Variants in CNTFR observed in about 807,000 individuals in gnomAD.
CNTFR encodes the protein ciliary neurotrophic factor receptor.
Under a neutral mutation model 40.4 loss-of-function variants are expected in CNTFR, and 12 were observed. The observed-to-expected ratio is 0.30, with a 90% CI of 0.19 to 0.48. The LOEUF (loss-of-function observed/expected upper bound fraction) is 0.48, where lower values mean the gene tolerates loss of function less well. Ranked by LOEUF, CNTFR falls within the 20% of genes least tolerant of loss-of-function variation. The probability of loss-of-function intolerance (pLI) is 0.99; values close to 1 mark genes in which losing one functional copy is unlikely to be tolerated. For missense variants in CNTFR, 414 were observed against 506.8 expected, an observed-to-expected ratio of 0.82 and a Z score of 1.76; for synonymous variants, 202 against 209.6, an observed-to-expected ratio of 0.96 and a Z score of 0.31.
At chr9:34,562,496 C>A (rs1430130176) in intron 4 of CNTFR, among the ~76,000 whole-genome samples, 1 of 152,180 alleles carries the variant, frequency 6.6e-6, no homozygotes. Context: ...CCTCTTTAAG[C>A]CCTACTGGTG....
chr9:34,569,416 A>G (rs1826475966), intron 2 of CNTFR: 3 of 171,806 alleles, frequency 1.7e-5, no homozygotes. Flanking sequence ...TCTAAAAAAA[A>G]AAATAACTTT....
rs145252409 is a variant in CNTFR, at chr9:34,586,947, G to A, written c.-112+2608C>T. Among the ~76,000 whole-genome samples the A allele has an allele frequency of 3.6e-3, 549 of 152,372 alleles. 1 individual carries two copies. The highest frequency in any genetic ancestry group is 6.8e-3 in the Admixed American group (104 of 15,304). On this transcript the variant is annotated intron_variant, in intron 1 of 9. Transcript: ENST00000378980. ...AAAGCATGGGCATATCTGACCATGA[G>A]TCCTAAGTTCCACTGGGATTGTGAA...
At chr9:34,558,060 C>A in intron 4 of CNTFR, 76 bp from the exon 5 acceptor site, 1 of 1,046,964 alleles carries the variant, frequency 9.6e-7, no homozygotes, top group South Asian at 2.5e-5. Context: ...CAGGTGGGCC[C>A]CAGAGCCCCA....
chr9:34,583,005 G>T (rs902138167), intron 1 of CNTFR, among the ~76,000 whole-genome samples: 1 of 152,152 alleles, frequency 6.6e-6, no homozygotes, highest in Non-Finnish European at 1.5e-5. Flanking sequence ...GTATAGCTAC[G>T]CACATTACAC....
chr9:34,570,427 C>T (rs1294067651), intron 2 of CNTFR, among the ~76,000 whole-genome samples: 6 of 152,202 alleles, frequency 3.9e-5, no homozygotes. Flanking sequence ...GGAGCACAGG[C>T]AGTGAAGCCG....
rs77699118 is a variant in CNTFR, at chr9:34,587,808, G to A, written c.-112+1747C>T. Among the ~76,000 whole-genome samples, 333 of 152,250 alleles carry A rather than the reference G, an allele frequency of 2.2e-3. 8 individuals carry two copies. The East Asian group carries it at 0.058, about 26-fold the overall frequency. The stretch of plus-strand genomic sequence containing the variant: ...AGTGAGATTCTGGGTGTGAGCTCTA[G>A]GTCTCAATGTAGATCTAAGCTAAAG... On this transcript the variant is annotated intron_variant, in intron 1 of 9. Transcript: ENST00000378980.
chr9:34,584,583 C>A (rs1257655424), intron 1 of CNTFR, among the ~76,000 whole-genome samples: 1 of 152,196 alleles, frequency 6.6e-6, no homozygotes, highest in South Asian at 2.1e-4. Flanking sequence ...AGCTACACAG[C>A]CTCAGAGCCC....
intron 2 of CNTFR, among the ~76,000 whole-genome samples, chr9:34,579,073 G>A (rs554120175): frequency 6.8e-4 from 104 of 152,294 alleles, no homozygotes; most frequent in Admixed American, 4.2e-3. Context: ...ACACGCACAC[G>A]CACACGTGCA....
At chr9:34,554,683 C>T (rs1825765792) in intron 7 of CNTFR, among the ~76,000 whole-genome samples, 1 of 152,182 alleles carries the variant, frequency 6.6e-6, no homozygotes, top group Non-Finnish European at 1.5e-5. Context: ...CTGCCCAGGG[C>T]CCATTCTTTT....
chr9:34,581,605 C>T lies in CNTFR; in HGVS notation c.-111-400G>A, dbSNP rs143603144. Among the ~76,000 whole-genome samples, 63 of 152,364 alleles carry T rather than the reference C, an allele frequency of 4.1e-4. 1 individual carries two copies. The highest frequency in any genetic ancestry group is 1.5e-3 in the African/African-American group (62 of 41,594). On this transcript the variant is annotated intron_variant, in intron 1 of 9. Transcript: ENST00000378980. Reference sequence around the variant, plus strand: ...ACCATCGTAACACCCCCTTCCTTATCACCACTATGATTTATTGAGCATCTA... The same window carrying T: ...ACCATCGTAACACCCCCTTCCTTATTACCACTATGATTTATTGAGCATCTA...
rs1827588324 is a variant in CNTFR, at chr9:34,587,347, C to A, written c.-112+2208G>T. 3.9e-5 allele frequency among the ~76,000 whole-genome samples: 6 copies of A among 151,990 alleles called. No homozygotes were observed. In the South Asian group the frequency reaches 1.2e-3, roughly 32 times the overall value. On this transcript the variant is annotated intron_variant, in intron 1 of 9. Coordinates refer to ENST00000378980, the MANE Select transcript of CNTFR (RefSeq NM_147164.3). ...AGTCTGAGTGTGAGTCCCAAAGTAC[C>A]CTTGTAAGTCTAAGTGTGAACATCA...
chr9:34,558,845 G>A (rs895828209), intron 4 of CNTFR, among the ~76,000 whole-genome samples: 1 of 152,190 alleles, frequency 6.6e-6, no homozygotes, highest in Non-Finnish European at 1.5e-5. Context: ...CAGTAAGCCA[G>A]AGCTAAACCC....
chr9:34,560,838 C>T (rs1826041630), intron 4 of CNTFR, among the ~76,000 whole-genome samples: 1 of 152,348 alleles, frequency 6.6e-6, no homozygotes, highest in African/African-American at 2.4e-5. Context: ...TGTGCCCCCA[C>T]TGGCCCAGGG....
chr9:34,563,013 C>G (rs905070171), intron 4 of CNTFR, among the ~76,000 whole-genome samples: 2 of 152,040 alleles, frequency 1.3e-5, no homozygotes, highest in African/African-American at 2.4e-5. Flanking sequence ...ACTCCATGAT[C>G]TCTCCCTTGG....
intron 4 of CNTFR, among the ~76,000 whole-genome samples, chr9:34,560,619 C>A (rs183733997): frequency 9.2e-5 from 14 of 152,340 alleles, no homozygotes; most frequent in African/African-American, 3.1e-4. Context: ...CATGTTCACA[C>A]GTATGAACTG....
chr9:34,586,734 T>C (rs1230360679), intron 1 of CNTFR, among the ~76,000 whole-genome samples: 1 of 152,208 alleles, frequency 6.6e-6, no homozygotes, highest in Non-Finnish European at 1.5e-5. Context: ...AGTCTCCTTA[T>C]GGAAGGAAAG....
chr9:34,568,842 G>A (rs1826433355), intron 3 of CNTFR, 55 bp downstream of exon 3: 1 of 1,472,868 alleles, frequency 6.8e-7, no homozygotes, highest in Admixed American at 2.0e-5. Flanking sequence ...TGCCAGTGAG[G>A]GTTCATGCCC....
At chr9:34,564,231 T>C (rs1380856553) in intron 4 of CNTFR, among the ~76,000 whole-genome samples, 7 of 152,160 alleles carry the variant, frequency 4.6e-5, no homozygotes, top group Non-Finnish European at 1.0e-4. Context: ...CTAGCCCTTG[T>C]GGGAGCAGAC....
intron 4 of CNTFR, 137 bp from the exon 5 acceptor site, chr9:34,558,121 G>A (rs529150243): frequency 8.9e-6 from 5 of 564,818 alleles, no homozygotes; most frequent in East Asian, 2.9e-5. Flanking sequence ...CGGGGAGGCT[G>A]TCAGCGAGGG....
Sources: gnomAD v4.1 joint callset for allele counts (sites outside exome capture counted in the v4.1 genomes callset) on GRCh38, gnomAD v4.1.1 for gene constraint, MANE v1.5 for transcripts, NCBI Gene and HGNC (gene_info 2026-07-23, HGNC 2026-07-21) for gene names.